The following USP15 variants were observed in gnomAD, a reference collection of about 807,000 sequenced individuals.
USP15 encodes the protein ubiquitin carboxyl-terminal hydrolase 15.
USP15 carries 18 observed loss-of-function variants against 127.1 expected under a neutral mutation model. The ratio of observed to expected loss-of-function variants is 0.14; its 90% CI spans 0.10 to 0.21. USP15 has a LOEUF of 0.21. USP15 is among the 10% of genes least tolerant of loss of function. The pLI, the probability that USP15 is intolerant of heterozygous loss-of-function variation, is 1.00. For synonymous variants in USP15, 364 were observed against 393.7 expected, an observed-to-expected ratio of 0.92 and a Z score of 0.89; for missense variants, 805 against 1,159.9, an observed-to-expected ratio of 0.69 and a Z score of 4.44.
At chr12:62,330,231 T>C (rs1192174582) in intron 6 of USP15, among the ~76,000 whole-genome samples, 1 of 151,948 alleles carries the variant, frequency 6.6e-6, no homozygotes, top group Non-Finnish European at 1.5e-5. Flanking sequence ...ATTTATATTA[T>C]ATTTCTATAG....
At chr12:62,339,059 G>A (rs759779352) in intron 6 of USP15, among the ~76,000 whole-genome samples, 5 of 151,508 alleles carry the variant, frequency 3.3e-5, no homozygotes, top group Non-Finnish European at 7.4e-5. Flanking sequence ...ATTACTTTGG[G>A]CAATGTGGCC....
chr12:62,388,360 C>T (rs1029877448), intron 11 of USP15, among the ~76,000 whole-genome samples: 4 of 152,010 alleles, frequency 2.6e-5, no homozygotes, highest in Admixed American at 2.0e-4. Flanking sequence ...CTCGAACTTT[C>T]GGGCTTAAGC....
At chr12:62,341,709 C>T (rs1460791092) in intron 6 of USP15, among the ~76,000 whole-genome samples, 1 of 152,180 alleles carries the variant, frequency 6.6e-6, no homozygotes, top group Non-Finnish European at 1.5e-5. Context: ...TATTGGCCCC[C>T]ACTCTCTTCT....
chr12:62,396,823 A>G (rs746188284), intron 20 of USP15, among the ~76,000 whole-genome samples: 5 of 152,126 alleles, frequency 3.3e-5, no homozygotes, highest in Admixed American at 6.5e-5. Flanking sequence ...GTTGTTTCTC[A>G]CTGCTTATGA....
chr12:62,355,826 T>C (rs1157445413), intron 8 of USP15, among the ~76,000 whole-genome samples: 2 of 51,972 alleles, frequency 3.8e-5, no homozygotes, highest in East Asian at 8.7e-4. Context: ...TTTTTTTTTC[T>C]TTTTTTTTTT....
At position 62,365,757 on chromosome 12, in the gene USP15, T is replaced by C. The variant is rs1049208129; in HGVS notation, c.915+10282T>C. On this transcript the variant is annotated intron_variant, in intron 8 of 21. Coordinates refer to ENST00000280377, the MANE Select transcript of USP15 (RefSeq NM_001252078.2). ...AGTTGTAAGGAAGGGGTCCAGTTTC[T>C]GTTTTCTGCATGTGGCTAGCCAGTT... Among the ~76,000 whole-genome samples, 36 of 152,144 alleles carry C rather than the reference T, an allele frequency of 2.4e-4. 1 individual carries two copies. Among genetic ancestry groups the C allele is most frequent in the Non-Finnish European group, 1.0e-4 (7 of 68,002 alleles).
At chr12:62,278,312 CT>C (rs974473741) in intron 1 of USP15, among the ~76,000 whole-genome samples, 3 of 152,084 alleles carry the variant, frequency 2.0e-5, no homozygotes, top group Admixed American at 6.6e-5. Flanking sequence ...CTACAGCTAA[CT>C]TTTTTTTATA....
chr12:62,303,077 T>A, intron 3 of USP15, 157 bp downstream of exon 3: 1 of 759,098 alleles, frequency 1.3e-6, no homozygotes, highest in Non-Finnish European at 2.0e-6. Context: ...AGTAACATGT[T>A]AAGAAGGTTT....
At chr12:62,322,327 C>G (rs935752098) in intron 5 of USP15, among the ~76,000 whole-genome samples, 1 of 152,130 alleles carries the variant, frequency 6.6e-6, no homozygotes, top group African/African-American at 2.4e-5. Context: ...GGGGTTTCAT[C>G]ATGTTGGCCA....
At chr12:62,326,150 A>G (rs1323240460) in intron 6 of USP15, among the ~76,000 whole-genome samples, 1 of 152,304 alleles carries the variant, frequency 6.6e-6, no homozygotes, top group East Asian at 1.9e-4. Flanking sequence ...ATCTTAAGGC[A>G]TAGTATAAAT....
At chr12:62,395,071 G>C (rs955876556) in intron 19 of USP15, among the ~76,000 whole-genome samples, 3 of 152,056 alleles carry the variant, frequency 2.0e-5, no homozygotes, top group African/African-American at 4.8e-5. Context: ...GGGTATATAG[G>C]TCATCAAAGA....
chr12:62,388,479 CAT>C (rs1308600623), intron 11 of USP15, among the ~76,000 whole-genome samples: 2 of 152,154 alleles, frequency 1.3e-5, no homozygotes, highest in South Asian at 4.1e-4. Context: ...AGAATAACCA[CAT>C]GTGTGATATG....
At position 62,407,078 on chromosome 12, in the gene USP15, G is replaced by C. The variant is rs768171172; in HGVS notation, c.*2703G>C. On this transcript the variant is annotated 3_prime_UTR_variant, in exon 22 of 22. Coordinates refer to ENST00000280377, the MANE Select transcript of USP15 (RefSeq NM_001252078.2). ...TCATATGACTTTGAACTTAATCTTTGATAGTGTTTCTTTACCTGTAGAATA... is the reference window on the plus strand; with the variant it reads ...TCATATGACTTTGAACTTAATCTTTCATAGTGTTTCTTTACCTGTAGAATA... The C allele has an allele frequency of 2.0e-5, 3 of 152,142 alleles. No homozygotes were observed. Among genetic ancestry groups the C allele is most frequent in the Non-Finnish European group, 2.9e-5 (2 of 68,034 alleles). 9.4% of individuals were successfully genotyped at this position (152,142 alleles called of 1,614,324 possible).
Position 62,393,268 on chromosome 12 carries a change from GTTA to G in USP15, c.2570+71_2570+73del. 3 of 1,551,904 alleles carry G rather than the reference GTTA, an allele frequency of 1.9e-6. No individual in the cohort carries two copies. The South Asian group carries it at 3.7e-5, about 19-fold the overall frequency. The stretch of plus-strand genomic sequence containing the variant: ...CTTTCAAACTTATTTGATGCTTTTT[GTTA>G]TTATCCTTTAGTAAACATCAGGTGC... On this transcript the variant is annotated intron_variant, in intron 19 of 21. Transcript: ENST00000280377.
In USP15 at chr12:62,408,863, C is replaced by CGTGTTTTAT. The variant is rs1565927554; in HGVS notation, c.*4494_*4495insTATGTGTTT. 2 of 151,782 alleles carry CGTGTTTTAT rather than the reference C, an allele frequency of 1.3e-5. No homozygotes were observed. The highest frequency in any genetic ancestry group is 6.6e-5 in the Admixed American group (1 of 15,236). 9.4% of individuals were successfully genotyped at this position (151,782 alleles called of 1,614,324 possible). The stretch of plus-strand genomic sequence containing the variant: ...TTCAATTCAATATGTATGTGTTTTA[C>CGTGTTTTAT]GTGTTTAATTCGTATTTACTATATA... On this transcript the variant is annotated 3_prime_UTR_variant, in exon 22 of 22. Coordinates refer to ENST00000280377, the MANE Select transcript of USP15 (RefSeq NM_001252078.2).
chr12:62,260,722 C>T (rs78676801), intron 1 of USP15, among the ~76,000 whole-genome samples: 11,749 of 152,122 alleles, frequency 0.077, 595 homozygotes, highest in Middle Eastern at 0.16. Flanking sequence ...GAAAGGTATC[C>T]GGGGAGCGGC....
At chr12:62,356,019 A>G (rs2066117060) in intron 8 of USP15, among the ~76,000 whole-genome samples, 1 of 150,870 alleles carries the variant, frequency 6.6e-6, no homozygotes, top group Admixed American at 6.6e-5. Context: ...TATATCCTCA[A>G]CTTGTTAAAT....
rs145124406 is a variant in USP15 at position 62,281,527 on chromosome 12, C to T, written c.90-12652C>T. On this transcript the variant is annotated intron_variant, in intron 1 of 21. Transcript: ENST00000280377. ...CTAATTTTTGTATTTTTAGTGGAGA[C>T]GGGGTTTCAACATGTGGGCCAGGCT... 3.7e-3 allele frequency among the ~76,000 whole-genome samples: 559 copies of T among 152,088 alleles called. 6 individuals are homozygous for T. Among genetic ancestry groups the T allele is most frequent in the Non-Finnish European group, 4.6e-3 (316 of 67,984 alleles).
intron 20 of USP15, among the ~76,000 whole-genome samples, chr12:62,400,719 C>T (rs1565918509): frequency 6.6e-6 from 1 of 150,990 alleles, no homozygotes; most frequent in African/African-American, 2.4e-5. Flanking sequence ...AAGTCAGAAA[C>T]AGATCTAGGT....
Sources: allele counts gnomAD v4.1 joint callset (sites outside exome capture counted in the v4.1 genomes callset), GRCh38; gene constraint gnomAD v4.1.1; transcripts MANE v1.5; gene names NCBI Gene and HGNC (gene_info 2026-07-23, HGNC 2026-07-21).